RGS7: variants seen among roughly 807,000 people sequenced by gnomAD.
RGS7 encodes regulator of G-protein signaling 7.
RGS7 carries 27 observed loss-of-function variants against 81.1 expected under a neutral mutation model. That is an observed-to-expected ratio of 0.33 (90% CI 0.25 to 0.46). The LOEUF is 0.46. Among genes scored for constraint, RGS7 ranks in the 20% least tolerant of loss-of-function variants. The probability of loss-of-function intolerance (pLI) is 1.00; values close to 1 mark genes in which losing one functional copy is unlikely to be tolerated. For missense variants in RGS7, 396 were observed against 607.4 expected, an observed-to-expected ratio of 0.65 and a Z score of 3.66; for synonymous variants, 208 against 207.7, an observed-to-expected ratio of 1.00 and a Z score of -0.01.
chr1:241,226,257 T>C (rs963720341), intron 2 of RGS7, among the ~76,000 whole-genome samples: 3 of 152,172 alleles, frequency 2.0e-5, no homozygotes, highest in African/African-American at 4.8e-5. Context: ...CGCGGGAATA[T>C]TAAATGCTTT....
intron 2 of RGS7, among the ~76,000 whole-genome samples, chr1:241,099,654 T>C (rs993414662): frequency 1.3e-5 from 2 of 152,244 alleles, no homozygotes; most frequent in Non-Finnish European, 2.9e-5. Context: ...ACATTACTCA[T>C]GTGCTTCTAA....
At chr1:241,058,731 C>T (rs1200055730) in intron 3 of RGS7, among the ~76,000 whole-genome samples, 1 of 152,214 alleles carries the variant, frequency 6.6e-6, no homozygotes, top group Non-Finnish European at 1.5e-5. Flanking sequence ...TAGCTCCAGG[C>T]CTTGCATGCA....
intron 3 of RGS7, among the ~76,000 whole-genome samples, chr1:241,000,252 G>C (rs940775350): frequency 2.0e-5 from 3 of 152,152 alleles, no homozygotes; most frequent in African/African-American, 7.2e-5. Flanking sequence ...GCAGACCAGT[G>C]GTGACTAGGG....
At chr1:241,282,044 G>A (rs536419428) in intron 2 of RGS7, among the ~76,000 whole-genome samples, 32 of 152,190 alleles carry the variant, frequency 2.1e-4, no homozygotes, top group South Asian at 2.1e-3. Flanking sequence ...CTGTTACATC[G>A]ATAAATTATG....
chr1:241,004,799 C>A (rs1255320996), intron 3 of RGS7, among the ~76,000 whole-genome samples: 1 of 152,090 alleles, frequency 6.6e-6, no homozygotes, highest in Non-Finnish European at 1.5e-5. Flanking sequence ...GACCTACAGT[C>A]CAACAAGGCA....
intron 2 of RGS7, among the ~76,000 whole-genome samples, chr1:241,125,210 G>A (rs10158567): frequency 0.41 from 61,644 of 151,908 alleles, 16,615 homozygotes; most frequent in African/African-American, 0.78. Flanking sequence ...GTCATTTTCT[G>A]GGCCTGCACC....
intron 6 of RGS7, among the ~76,000 whole-genome samples, chr1:240,872,346 A>G (rs769030064): frequency 7.9e-5 from 12 of 152,114 alleles, no homozygotes; most frequent in Non-Finnish European, 1.8e-4. Context: ...GGTCTTAGCT[A>G]CACTTGGGAG....
chr1:241,045,032 A>G (rs1025561760), intron 3 of RGS7, among the ~76,000 whole-genome samples: 6 of 152,176 alleles, frequency 3.9e-5, no homozygotes, highest in Non-Finnish European at 7.3e-5. Flanking sequence ...TTTAATTTCC[A>G]TGATGGCAAT....
At chr1:241,220,988 A>T (rs1573198763) in intron 2 of RGS7, among the ~76,000 whole-genome samples, 2 of 78,180 alleles carry the variant, frequency 2.6e-5, no homozygotes, top group Non-Finnish European at 5.7e-5. Context: ...GAAGGAAGGA[A>T]GGAAGGAAGA....
intron 2 of RGS7, among the ~76,000 whole-genome samples, chr1:241,112,789 G>A (rs982651410): frequency 6.6e-6 from 1 of 152,176 alleles, no homozygotes; most frequent in Non-Finnish European, 1.5e-5. Context: ...TAGTGTTGCC[G>A]ATTCAAGGCA....
intron 2 of RGS7, among the ~76,000 whole-genome samples, chr1:241,202,727 T>C (rs2073612964): frequency 6.6e-6 from 1 of 152,164 alleles, no homozygotes; most frequent in Non-Finnish European, 1.5e-5. Flanking sequence ...GTCAGATAAG[T>C]TCTTTACGGC....
At chr1:241,123,373 T>C (rs2066421988) in intron 2 of RGS7, among the ~76,000 whole-genome samples, 1 of 152,190 alleles carries the variant, frequency 6.6e-6, no homozygotes, top group Non-Finnish European at 1.5e-5. Flanking sequence ...ACAATGCCAC[T>C]ATTCCCACCA....
At chr1:240,999,410 A>G (rs983164170) in intron 3 of RGS7, among the ~76,000 whole-genome samples, 1 of 152,176 alleles carries the variant, frequency 6.6e-6, no homozygotes, top group African/African-American at 2.4e-5. Flanking sequence ...ATGTCTTAAG[A>G]AAGTTTACGA....
intron 2 of RGS7, among the ~76,000 whole-genome samples, chr1:241,353,711 G>A (rs6429261): frequency 0.96 from 146,817 of 152,212 alleles, 71,031 homozygotes; most frequent in East Asian, 1. Flanking sequence ...GCAGTTCCCA[G>A]CTTAATCAAC....
rs866743001 is a variant in RGS7, at chr1:241,214,671, T to C, written c.79-115909A>G. On this transcript the variant is annotated intron_variant, in intron 2 of 18. Transcript: ENST00000440928. ...TCACTCTATACTGTCCCTCAGATCA[T>C]TGAGAATGTGTTCATTCTTAAAATC... Among the ~76,000 whole-genome samples the C allele has an allele frequency of 1.1e-4, 17 of 152,160 alleles. No homozygotes were observed. The South Asian group carries it at 1.4e-3, about 13-fold the overall frequency.
At chr1:241,189,185 T>C (rs957291013) in intron 2 of RGS7, among the ~76,000 whole-genome samples, 2 of 152,210 alleles carry the variant, frequency 1.3e-5, no homozygotes, top group Non-Finnish European at 2.9e-5. Flanking sequence ...AGAGTCTCGC[T>C]ACATTGCCCA....
chr1:241,312,180 C>A (rs887724824), intron 2 of RGS7, among the ~76,000 whole-genome samples: 2 of 152,124 alleles, frequency 1.3e-5, no homozygotes, highest in African/African-American at 2.4e-5. Context: ...ATATTTATTG[C>A]ACATTTGTAA....
rs141414083 is a variant in RGS7 at position 241,163,394 on chromosome 1, T to C, written c.79-64632A>G. ...GATGGATGTTCAGAGGGCCAGCAGA[T>C]AGAAGTAGCCATGCAAAGCTGTCTT... On this transcript the variant is annotated intron_variant, in intron 2 of 18. Transcript: ENST00000440928. This position sits in a 1 kb window ranked among gnomAD's most constrained non-coding sequence, Gnocchi z 4.6. 2.0e-5 allele frequency among the ~76,000 whole-genome samples: 3 copies of C among 152,258 alleles called. No individual in the cohort carries two copies. The highest frequency in any genetic ancestry group is 4.1e-4 in the South Asian group (2 of 4,826).
chr1:241,327,071 A>AG (rs1273088480), intron 2 of RGS7, among the ~76,000 whole-genome samples: 1 of 33,774 alleles, frequency 3.0e-5, no homozygotes, highest in Non-Finnish European at 6.0e-5. Flanking sequence ...GAAGGAAGGA[A>AG]GGAAGGAAGA....
Sources: allele counts gnomAD v4.1 joint callset (sites outside exome capture counted in the v4.1 genomes callset), GRCh38; gene constraint gnomAD v4.1.1; non-coding constraint Gnocchi (gnomAD v3.1); transcripts MANE v1.5; gene names NCBI Gene and HGNC (gene_info 2026-07-23, HGNC 2026-07-21).